ERC2: variants seen among roughly 807,000 people sequenced by gnomAD.
The protein encoded by ERC2 is ELKS/RAB6-interacting/CAST family member 2.
A neutral mutation model predicts 114.8 loss-of-function variants in ERC2; 42 were observed. The observed-to-expected ratio is 0.37, with a 90% CI of 0.29 to 0.47. The LOEUF is 0.47. ERC2 is among the 20% of genes least tolerant of loss of function. ERC2 has a pLI of 0.99. For synonymous variants in ERC2, 454 were observed against 425.5 expected (o/e 1.07, Z -0.82); for missense variants, 939 against 1,150.7 (o/e 0.82, Z 2.66).
chr3:56,099,948 A>C (rs991220791), intron 6 of ERC2, among the ~76,000 whole-genome samples: 19 of 152,128 alleles, frequency 1.2e-4, no homozygotes, highest in African/African-American at 4.6e-4. Context: ...CCTTCCCAAA[A>C]GTCTTTCCAG....
At position 55,669,510 on chromosome 3, in the gene ERC2, C is replaced by T. The variant is rs1365198712; in HGVS notation, c.*39+14284G>A. On this transcript the variant is annotated intron_variant, in intron 17 of 17. Transcript: ENST00000288221. ...AGATCTAGGGAAAAGACAACTTTCA[C>T]ATTTTCTTTGTAATTTCACTTGGTT... Among the ~76,000 whole-genome samples, 4 of 152,324 alleles carry T rather than the reference C, an allele frequency of 2.6e-5. No homozygotes were observed. In the South Asian group the frequency reaches 6.2e-4, roughly 24 times the overall value.
At chr3:55,671,118 T>A (rs1384617518) in intron 17 of ERC2, among the ~76,000 whole-genome samples, 1 of 152,184 alleles carries the variant, frequency 6.6e-6, no homozygotes, top group Admixed American at 6.5e-5. Flanking sequence ...TGGACAGATA[T>A]TTTTAAAGAT....
chr3:55,997,902 TTTTTTG>T (rs1320280971), intron 10 of ERC2, among the ~76,000 whole-genome samples: 94 of 50,140 alleles, frequency 1.9e-3, no homozygotes, highest in East Asian at 6.7e-3. Flanking sequence ...TTTTTTTTTT[TTTTTTG>T]TGTGTGTGTG....
chr3:56,012,883 G>C (rs2073052380), intron 8 of ERC2, among the ~76,000 whole-genome samples: 1 of 152,148 alleles, frequency 6.6e-6, no homozygotes, highest in African/African-American at 2.4e-5. Context: ...ATGTGTTCTT[G>C]TTTTAGTCTT....
chr3:55,741,448 A>G (rs1025521272), intron 14 of ERC2, among the ~76,000 whole-genome samples: 1 of 152,178 alleles, frequency 6.6e-6, no homozygotes, highest in African/African-American at 2.4e-5. Context: ...CGGAAACAGA[A>G]AAATCATTAT....
intron 13 of ERC2, among the ~76,000 whole-genome samples, chr3:55,913,304 G>A (rs1269991019): frequency 6.6e-6 from 1 of 152,048 alleles, no homozygotes; most frequent in Non-Finnish European, 1.5e-5. Context: ...ATCACCTCCT[G>A]GGGGTCTTAT....
intron 6 of ERC2, among the ~76,000 whole-genome samples, chr3:56,136,221 T>A (rs1261425050): frequency 6.6e-6 from 1 of 152,082 alleles, no homozygotes; most frequent in Non-Finnish European, 1.5e-5. Flanking sequence ...TTTACAGAGA[T>A]GAACCGTTAA....
At chr3:55,852,871 A>T (rs962402521) in intron 14 of ERC2, among the ~76,000 whole-genome samples, 2 of 152,186 alleles carry the variant, frequency 1.3e-5, no homozygotes, top group African/African-American at 4.8e-5. Context: ...TTAGCCCTTT[A>T]TAGGAGTTTT....
At chr3:56,429,909 C>A (rs946210146) in intron 2 of ERC2, among the ~76,000 whole-genome samples, 2 of 152,166 alleles carry the variant, frequency 1.3e-5, no homozygotes, top group African/African-American at 2.4e-5. Flanking sequence ...GGGTTCAGCT[C>A]CCTTAGACAG....
At chr3:55,642,867 GA>G (rs905647119) in intron 17 of ERC2, among the ~76,000 whole-genome samples, 1 of 151,670 alleles carries the variant, frequency 6.6e-6, no homozygotes, top group East Asian at 1.9e-4. Flanking sequence ...TCCTTTACTG[GA>G]AAAAAAATAT....
At chr3:55,688,281 G>A (rs2062441949) in intron 16 of ERC2, among the ~76,000 whole-genome samples, 1 of 152,156 alleles carries the variant, frequency 6.6e-6, no homozygotes, top group Non-Finnish European at 1.5e-5. Flanking sequence ...GACGGCTTCT[G>A]TGTTTCCTCC....
chr3:56,345,268 G>A (rs557814506), intron 2 of ERC2, among the ~76,000 whole-genome samples: 135 of 152,190 alleles, frequency 8.9e-4, no homozygotes, highest in East Asian at 1.9e-3. Context: ...TCAATCATTC[G>A]TTCAACAGCT....
At position 55,957,101 on chromosome 3, in the gene ERC2, G is replaced by A. The variant is rs569600184; in HGVS notation, c.2268-6541C>T. Among the ~76,000 whole-genome samples the A allele has an allele frequency of 7.2e-5, 11 of 152,206 alleles. No homozygotes were observed. In the East Asian group the frequency reaches 2.1e-3, roughly 29 times the overall value. The stretch of plus-strand genomic sequence containing the variant: ...GATAGCTAAAAGAAAGGTGTCAAAG[G>A]GAGTGTCCAGATTTGAAAACTTGAG... On this transcript the variant is annotated intron_variant, in intron 12 of 17. Coordinates refer to ENST00000288221, the MANE Select transcript of ERC2 (RefSeq NM_015576.3).
At chr3:55,986,539 G>C (rs2061262397) in intron 11 of ERC2, among the ~76,000 whole-genome samples, 1 of 152,060 alleles carries the variant, frequency 6.6e-6, no homozygotes, top group African/African-American at 2.4e-5. Flanking sequence ...TTCCATTTTA[G>C]ATGCTTACAG....
Position 56,267,727 on chromosome 3 carries a change from C to T in ERC2, c.1074+28292G>A, listed in dbSNP as rs143391233. On this transcript the variant is annotated intron_variant, in intron 3 of 17. Transcript: ENST00000288221. ...CCAGGAGGCGTAGGTTGCAGTGAGC[C>T]GAGATCTTGCCACTGCACTCCAGCC... is the stretch of plus-strand genomic sequence containing the variant. Among the ~76,000 whole-genome samples the T allele has an allele frequency of 1.1e-3, 173 of 152,036 alleles. 1 individual carries two copies. In the East Asian group the frequency reaches 0.027, roughly 23 times the overall value.
At chr3:56,155,646 T>C (rs2081670481) in intron 4 of ERC2, among the ~76,000 whole-genome samples, 1 of 152,136 alleles carries the variant, frequency 6.6e-6, no homozygotes, top group Non-Finnish European at 1.5e-5. Flanking sequence ...TGGGTAAGAT[T>C]GCCATAGCAG....
intron 14 of ERC2, among the ~76,000 whole-genome samples, chr3:55,832,031 A>AC: frequency 6.6e-6 from 1 of 152,256 alleles, no homozygotes; most frequent in South Asian, 2.1e-4. Flanking sequence ...ATCAAACTGC[A>AC]CGTCAGCAGC....
chr3:55,967,754 G>A (rs748323770), intron 12 of ERC2, among the ~76,000 whole-genome samples: 9 of 152,274 alleles, frequency 5.9e-5, no homozygotes, highest in South Asian at 2.1e-4. Flanking sequence ...TGGAGGCACC[G>A]TCCTTATGAA....
chr3:56,202,351 C>T (rs987155044), intron 3 of ERC2, among the ~76,000 whole-genome samples: 1 of 152,102 alleles, frequency 6.6e-6, no homozygotes, highest in African/African-American at 2.4e-5. Context: ...AGTTAAAATT[C>T]CAAAATTTAA....
Sources: gnomAD v4.1 joint callset for allele counts (sites outside exome capture counted in the v4.1 genomes callset) on GRCh38, gnomAD v4.1.1 for gene constraint, MANE v1.5 for transcripts, NCBI Gene and HGNC (gene_info 2026-07-23, HGNC 2026-07-21) for gene names.